Variants in MAP1B observed in about 807,000 individuals in gnomAD.
MAP1B encodes microtubule-associated protein 1B.
A neutral mutation model predicts 176.1 loss-of-function variants in MAP1B; 12 were observed. The ratio of observed to expected loss-of-function variants is 0.07; its 90% CI spans 0.04 to 0.11. MAP1B has a LOEUF of 0.11. Ranked by LOEUF, MAP1B falls within the 10% of genes least tolerant of loss-of-function variation. The probability of loss-of-function intolerance (pLI) is 1.00; values close to 1 mark genes in which losing one functional copy is unlikely to be tolerated. For synonymous variants in MAP1B, 1,044 were observed against 1,135.0 expected, an observed-to-expected ratio of 0.92 and a Z score of 1.61; for missense variants, 2,523 against 2,990.5, an observed-to-expected ratio of 0.84 and a Z score of 3.65.
intron 2 of MAP1B, among the ~76,000 whole-genome samples, chr5:72,123,735 C>T (rs975778524): frequency 7.9e-5 from 12 of 152,126 alleles, no homozygotes; most frequent in South Asian, 2.1e-4. Flanking sequence ...CTGCCCGCCT[C>T]GGCCTCCCAA....
chr5:72,132,494 T>C (rs773575201), intron 2 of MAP1B, among the ~76,000 whole-genome samples: 1 of 152,220 alleles, frequency 6.6e-6, no homozygotes, highest in African/African-American at 2.4e-5. Context: ...TTCTGTGTAT[T>C]CTAGGAGAAC....
At chr5:72,112,383 C>G (rs765544538) in intron 1 of MAP1B, among the ~76,000 whole-genome samples, 4 of 152,102 alleles carry the variant, frequency 2.6e-5, no homozygotes, top group Non-Finnish European at 5.9e-5. Context: ...ATTAAACAAC[C>G]CTGCAAAATG....
intron 2 of MAP1B, among the ~76,000 whole-genome samples, chr5:72,181,078 C>T (rs2337694): frequency 0.12 from 18,481 of 152,218 alleles, 1,388 homozygotes; most frequent in South Asian, 0.32. Context: ...GTAGCTATGT[C>T]ACAGAACTCT....
At chr5:72,117,401 G>A (rs1579980379) in intron 2 of MAP1B, among the ~76,000 whole-genome samples, 1 of 152,034 alleles carries the variant, frequency 6.6e-6, no homozygotes, top group East Asian at 1.9e-4. Context: ...TACTATGATT[G>A]TTTGTAAGAC....
intron 2 of MAP1B, chr5:72,169,344 C>G (rs1561400): frequency 0.32 from 48,821 of 152,036 alleles, 8,689 homozygotes; most frequent in Non-Finnish European, 0.41. Flanking sequence ...TGGGTTTCTT[C>G]TAATGATGGC....
chr5:72,166,509 T>C (rs1746432259), intron 2 of MAP1B, among the ~76,000 whole-genome samples: 1 of 152,180 alleles, frequency 6.6e-6, no homozygotes, highest in African/African-American at 2.4e-5. Context: ...GTTCACTCCC[T>C]AGAGAGGTCG....
chr5:72,200,044 A>T lies in MAP1B; in HGVS notation c.6689A>T (p.Asn2230Ile). The change falls in exon 5 of 7, where the codon AAC (asparagine) becomes ATC (isoleucine). Residue 2230 changes from asparagine to isoleucine, a missense_variant. By Grantham distance (149) the Asn-to-Ile change is moderately radical. Coordinates refer to ENST00000296755, the MANE Select transcript of MAP1B (RefSeq NM_005909.5). ...CCAGAGGCCTTGGCCATTGAGCAGA[A>T]CCTGGGCAAAGCTCTAAAGAAAGAT... The part of the protein sequence containing the change: ...VDPEALAIEQ[N>I]LGKALKKDLK... 3 of 1,614,228 alleles carry T rather than the reference A, an allele frequency of 1.9e-6. No individual in the cohort carries two copies. The highest frequency in any genetic ancestry group is 2.5e-6 in the Non-Finnish European group (3 of 1,180,048).
rs61734262 is a variant in MAP1B at position 72,199,079 on chromosome 5, G to A, written c.5724G>A (p.Lys1908=). 0.11 allele frequency: 181,672 copies of A among 1,613,902 alleles called. 10,785 individuals carry two copies. The highest frequency in any genetic ancestry group is 0.18 in the Middle Eastern group (1,111 of 6,062). Residue 1908 remains lysine (K), a synonymous_variant, in exon 5 of 7, where the codon AAG becomes AAA. Coordinates refer to ENST00000296755, the MANE Select transcript of MAP1B (RefSeq NM_005909.5). The surrounding 1 kb of genome is among the most constrained non-coding windows in gnomAD (Gnocchi z 4.2). ...TSDVGGYYYE[K]IERTTKSPSD... ...ATGTGGGTGGCTATTACTATGAGAAGATAGAGAGAACCACAAAATCTCCAA... is the reference window on the plus strand; with the variant it reads ...ATGTGGGTGGCTATTACTATGAGAAAATAGAGAGAACCACAAAATCTCCAA...
intron 2 of MAP1B, among the ~76,000 whole-genome samples, chr5:72,148,158 T>A (rs909244839): frequency 6.6e-6 from 1 of 152,228 alleles, no homozygotes; most frequent in East Asian, 1.9e-4. Flanking sequence ...TAAAATACTT[T>A]TAAAAACCCA....
chr5:72,169,096 A>T (rs1448497975), intron 2 of MAP1B, among the ~76,000 whole-genome samples: 2 of 152,248 alleles, frequency 1.3e-5, no homozygotes, highest in Non-Finnish European at 2.9e-5. Flanking sequence ...CACCCCATTA[A>T]TAGTGACCTT....
At chr5:72,189,937 T>A (rs1348342660) in intron 4 of MAP1B, among the ~76,000 whole-genome samples, 1 of 151,804 alleles carries the variant, frequency 6.6e-6, no homozygotes, top group Non-Finnish European at 1.5e-5. Flanking sequence ...TGACCTAGAG[T>A]GAGAAACATT....
rs1183321418 is a variant in MAP1B, at chr5:72,196,136, A to C, written c.2781A>C (p.Glu927Asp). 2.5e-6 allele frequency: 4 copies of C among 1,613,432 alleles called. No individual in the cohort carries two copies. Among genetic ancestry groups the C allele is most frequent in the Non-Finnish European group, 3.4e-6 (4 of 1,179,952 alleles). ...GAGTAGACGACATTGAAAAATTTGA[A>C]GATGAAGGAGCCGGTTTTGAAGAAT... ...KQGVDDIEKF[E>D]DEGAGFEESS... The change falls in exon 5 of 7, where the codon GAA (glutamate) becomes GAC (aspartate). Residue 927 changes from glutamate to aspartate, a missense_variant. Transcript: ENST00000296755. The surrounding 1 kb of genome is among the most constrained non-coding windows in gnomAD (Gnocchi z 5.3).
intron 2 of MAP1B, among the ~76,000 whole-genome samples, chr5:72,132,432 A>G (rs1745750494): frequency 6.6e-6 from 1 of 152,158 alleles, no homozygotes. Flanking sequence ...AATTCTTAAA[A>G]TGGAACTTCT....
At position 72,196,246 on chromosome 5, in the gene MAP1B, T is replaced by C; in HGVS notation, c.2891T>C (p.Val964Ala). The change falls in exon 5 of 7, where the codon GTG becomes GCG. Residue 964 changes from valine (V) to alanine (A), a missense_variant. Transcript: ENST00000296755. The surrounding 1 kb of genome is among the most constrained non-coding windows in gnomAD (Gnocchi z 5.3). ...GAGGATGGGGAGGAACACGTATGTG[T>C]GAGCGCCTCCAAGCACAGCCCCACT... is the stretch of plus-strand genomic sequence containing the variant. ...PEEDGEEHVC[V>A]SASKHSPTED... is the part of the protein sequence containing the mutation. The C allele has an allele frequency of 1.2e-6, 2 of 1,613,694 alleles. No homozygotes were observed. The highest frequency in any genetic ancestry group is 1.7e-6 in the Non-Finnish European group (2 of 1,179,992).
At chr5:72,175,454 G>A (rs1746633845) in intron 2 of MAP1B, among the ~76,000 whole-genome samples, 1 of 152,046 alleles carries the variant, frequency 6.6e-6, no homozygotes, top group African/African-American at 2.4e-5. Context: ...GGGCTTTGCT[G>A]GTTCTACTTA....
chr5:72,200,742 C>T (rs563889970), intron 5 of MAP1B, among the ~76,000 whole-genome samples: 2 of 152,256 alleles, frequency 1.3e-5, no homozygotes, highest in East Asian at 3.9e-4. Flanking sequence ...TAACACAGGC[C>T]AGGAGCTCCC....
At chr5:72,112,848 G>T (rs1172965971) in intron 1 of MAP1B, among the ~76,000 whole-genome samples, 1 of 152,180 alleles carries the variant, frequency 6.6e-6, no homozygotes, top group East Asian at 1.9e-4. Flanking sequence ...GCTTGACTTG[G>T]TGTATATTGG....
At position 72,207,396 on chromosome 5, in the gene MAP1B, G is replaced by T. The variant is rs1221225360; in HGVS notation, c.*2157G>T. ...TTTTGCACTGCTAACTATGATGAGGGTTTAAAAAAATGCTTCTTCAGGGTC... is the reference window on the plus strand; with the variant it reads ...TTTTGCACTGCTAACTATGATGAGGTTTTAAAAAAATGCTTCTTCAGGGTC... On this transcript the variant is annotated 3_prime_UTR_variant, in exon 7 of 7. Coordinates refer to ENST00000296755, the MANE Select transcript of MAP1B (RefSeq NM_005909.5). The T allele has an allele frequency of 6.6e-5, 10 of 152,208 alleles. No homozygotes were observed. In the South Asian group the frequency reaches 8.3e-4, roughly 13 times the overall value. 9.4% of individuals were successfully genotyped at this position (152,208 alleles called of 1,614,324 possible).
At chr5:72,137,374 G>A (rs1409166760) in intron 2 of MAP1B, among the ~76,000 whole-genome samples, 1 of 152,144 alleles carries the variant, frequency 6.6e-6, no homozygotes. Flanking sequence ...TATGTTCCAT[G>A]ACTATTGTTT....
Sources: allele counts gnomAD v4.1 joint callset (sites outside exome capture counted in the v4.1 genomes callset), GRCh38; gene constraint gnomAD v4.1.1; non-coding constraint Gnocchi (gnomAD v3.1); transcripts MANE v1.5; gene names NCBI Gene and HGNC (gene_info 2026-07-23, HGNC 2026-07-21).